The following FAAH2 variants were observed in gnomAD, a reference collection of about 807,000 sequenced individuals.
FAAH2 encodes the protein fatty acid amide hydrolase 2.
FAAH2 carries 60 observed loss-of-function variants against 36.9 expected under a neutral mutation model. The ratio of observed to expected loss-of-function variants is 1.63; its 90% CI spans 1.32 to 2.02. FAAH2 has a LOEUF of 2.02. FAAH2 is among the 30% of genes most tolerant of loss of function. The probability of loss-of-function intolerance (pLI) is 0.00; values close to 1 mark genes in which losing one functional copy is unlikely to be tolerated. For missense variants in FAAH2, 689 were observed against 397.5 expected (o/e 1.73, Z -6.23); for synonymous variants, 214 against 143.8 (o/e 1.49, Z -3.49).
At chrX:57,423,549 T>G (rs771853137) in intron 7 of FAAH2, among the ~76,000 whole-genome samples, 1 of 111,881 alleles carries the variant, frequency 8.9e-6, no homozygotes. Context: ...GTTGAGAGTG[T>G]GGAAGCAATG....
intron 10 of FAAH2, among the ~76,000 whole-genome samples, chrX:57,487,673 G>C (rs746937271): frequency 6.3e-5 from 7 of 111,910 alleles, no homozygotes; most frequent in African/African-American, 9.7e-5. Context: ...TGGTAAGACT[G>C]TTGTCACATT....
At chrX:57,431,275 G>T (rs2056287320) in intron 7 of FAAH2, among the ~76,000 whole-genome samples, 1 of 111,557 alleles carries the variant, frequency 9.0e-6, no homozygotes, top group Admixed American at 9.5e-5. Context: ...TGGTATGGTG[G>T]GTCCTAACAA....
At chrX:57,281,860 G>A, upstream of FAAH2, among the ~76,000 whole-genome samples, 1 of 111,636 alleles carries the variant, frequency 9.0e-6, no homozygotes, top group Non-Finnish European at 1.9e-5. Context: ...TAGGATAAGG[G>A]CCTCCAGCTC....
At chrX:57,216,504 A>G in the FAAH2 span, among the ~76,000 whole-genome samples, 59 of 63,137 alleles carry the variant, frequency 9.3e-4, no homozygotes, top group Admixed American at 2.0e-3. Flanking sequence ...ACGTATATGT[A>G]TATATATATA....
intron 2 of FAAH2, among the ~76,000 whole-genome samples, chrX:57,300,672 A>G (rs1441428314): frequency 8.9e-6 from 1 of 111,906 alleles, no homozygotes; most frequent in Non-Finnish European, 1.9e-5. Context: ...GTGAACAGGC[A>G]ACCTACAAAA....
At chrX:57,219,653 C>T in the FAAH2 span, among the ~76,000 whole-genome samples, 1 of 110,999 alleles carries the variant, frequency 9.0e-6, no homozygotes, top group Non-Finnish European at 1.9e-5. Context: ...GTTCCAGGAA[C>T]AAAAAAGGCA....
In FAAH2 at chrX:57,310,718, T is replaced by A; in HGVS notation, c.401T>A (p.Phe134Tyr). 1 of 1,205,118 alleles carries A rather than the reference T, an allele frequency of 8.3e-7. No individual in the cohort carries two copies. The highest frequency in any genetic ancestry group is 1.1e-6 in the Non-Finnish European group (1 of 893,196). ...GTTCCTTTGACAGTCAAGGAAGCTTTCCAGCTACAAGGTACTATTCTTTTA... is the reference window on the plus strand; with the variant it reads ...GTTCCTTTGACAGTCAAGGAAGCTTACCAGCTACAAGGTACTATTCTTTTA... ...LGVPLTVKEA[F>Y]QLQGMPNSSG... is the part of the protein sequence containing the mutation. The change falls in exon 3 of 11, where the codon TTC becomes TAC. Residue 134 changes from phenylalanine (F) to tyrosine (Y), a missense_variant. Phe to Tyr is a conservative substitution (Grantham distance 22, BLOSUM62 3). Transcript: ENST00000374900.
the FAAH2 span, among the ~76,000 whole-genome samples, chrX:57,264,355 T>C: frequency 8.9e-6 from 1 of 112,260 alleles, no homozygotes; most frequent in South Asian, 3.6e-4. Flanking sequence ...AACAATCCCA[T>C]TAAAAAGTGG....
chrX:57,394,454 A>G, intron 7 of FAAH2: 1 of 1,201,194 alleles, frequency 8.3e-7, no homozygotes, highest in Non-Finnish European at 1.1e-6. Flanking sequence ...CAGCTTACCA[A>G]TGGGCTTCGG....
the FAAH2 span, among the ~76,000 whole-genome samples, chrX:57,265,798 G>C: frequency 3.7e-4 from 41 of 111,671 alleles, no homozygotes; most frequent in Admixed American, 5.6e-4. Flanking sequence ...GCCAACCTGG[G>C]GTGGAAGTGG....
At chrX:57,353,849 G>T (rs968254731) in intron 5 of FAAH2, among the ~76,000 whole-genome samples, 1 of 110,935 alleles carries the variant, frequency 9.0e-6, no homozygotes, top group Non-Finnish European at 1.9e-5. Flanking sequence ...TATGAAAAAC[G>T]CTCAGTATCA....
At chrX:57,149,269 T>C in the FAAH2 span, among the ~76,000 whole-genome samples, 1 of 111,696 alleles carries the variant, frequency 9.0e-6, no homozygotes, top group Non-Finnish European at 1.9e-5. Flanking sequence ...ATGCTGGCCT[T>C]ATAAAATGAG....
intron 5 of FAAH2, among the ~76,000 whole-genome samples, chrX:57,351,959 C>A (rs1417034047): frequency 4.2e-5 from 4 of 94,590 alleles, no homozygotes; most frequent in African/African-American, 1.1e-4. Context: ...ATTCCAACTT[C>A]ATCAAGGCCA....
At chrX:57,284,353 C>CCA (rs1425062077), upstream of FAAH2, among the ~76,000 whole-genome samples, 1 of 110,362 alleles carries the variant, frequency 9.1e-6, no homozygotes, top group South Asian at 3.9e-4. Context: ...CAGTGGCGCT[C>CCA]CAGCCTGGGC....
chrX:57,436,375 T>G (rs1241025326), intron 8 of FAAH2, among the ~76,000 whole-genome samples: 1 of 107,550 alleles, frequency 9.3e-6, no homozygotes, highest in Non-Finnish European at 1.9e-5. Flanking sequence ...AAAATTCTAG[T>G]AGAACTAAGT....
At chrX:57,405,547 G>T (rs902699866) in intron 7 of FAAH2, among the ~76,000 whole-genome samples, 3 of 108,439 alleles carry the variant, frequency 2.8e-5, no homozygotes, top group African/African-American at 1.0e-4. Flanking sequence ...GAAGTAAGTG[G>T]CAAGTCTGCG....
rs1197810088 is a variant in FAAH2, at chrX:57,323,945, G to A, written c.413-7653G>A. On this transcript the variant is annotated intron_variant, in intron 3 of 10. Coordinates refer to ENST00000374900, the MANE Select transcript of FAAH2 (RefSeq NM_174912.4). ...CTATGTCCTGAATGGTATTGCCTAG[G>A]TTTTCTTCTAGGGTTTTTATGGTTT... Among the ~76,000 whole-genome samples, 180 of 111,088 alleles carry A rather than the reference G, an allele frequency of 1.6e-3. 1 individual carries two copies. The highest frequency in any genetic ancestry group is 5.6e-3 in the African/African-American group (172 of 30,561).
intron 8 of FAAH2, among the ~76,000 whole-genome samples, chrX:57,438,737 G>A (rs1267427590): frequency 2.0e-5 from 2 of 100,783 alleles, no homozygotes; most frequent in Admixed American, 2.1e-4. Context: ...ATCTCCTAAT[G>A]CTATCCCTCC....
chrX:57,441,087 C>T (rs1299682436), intron 8 of FAAH2, among the ~76,000 whole-genome samples: 1 of 111,202 alleles, frequency 9.0e-6, no homozygotes, highest in Non-Finnish European at 1.9e-5. Flanking sequence ...GTGTTTCTGC[C>T]AGGCTTTGGT....
Sources: allele counts gnomAD v4.1 joint callset (sites outside exome capture counted in the v4.1 genomes callset), GRCh38; gene constraint gnomAD v4.1.1; transcripts MANE v1.5; gene names NCBI Gene and HGNC (gene_info 2026-07-23, HGNC 2026-07-21).